The following TCTN3 variants were observed in gnomAD, a reference collection of about 807,000 sequenced individuals.
TCTN3 encodes tectonic family member 3.
Under a neutral mutation model 71.3 loss-of-function variants are expected in TCTN3, and 57 were observed. The observed-to-expected ratio is 0.80, with a 90% CI of 0.65 to 1.00. The LOEUF is 1.00. TCTN3 is among the 50% of genes least tolerant of loss of function. TCTN3 has a pLI of 0.00. For synonymous variants in TCTN3, 258 were observed against 267.8 expected, an observed-to-expected ratio of 0.96 and a Z score of 0.36; for missense variants, 696 against 719.9, an observed-to-expected ratio of 0.97 and a Z score of 0.38.
chr10:95,672,176 G>GTGTGTGTGTGTGTGT (rs1555268634), intron 13 of TCTN3, among the ~76,000 whole-genome samples: 1 of 151,860 alleles, frequency 6.6e-6, no homozygotes, highest in Admixed American at 6.6e-5. Flanking sequence ...GTGTGTGTCT[G>GTGTGTGTGTGTGTGT]GCTTCTTTCA....
chr10:95,680,728 T>C (rs2097942193), intron 12 of TCTN3, 119 bp from the exon 13 acceptor site: 2 of 1,219,328 alleles, frequency 1.6e-6, no homozygotes, highest in Non-Finnish European at 2.2e-6. Context: ...CAATGTAGCT[T>C]AGTGGAAGAA....
chr10:95,677,896 G>A (rs1329941244), intron 13 of TCTN3, among the ~76,000 whole-genome samples: 2 of 152,190 alleles, frequency 1.3e-5, no homozygotes, highest in East Asian at 3.8e-4. Context: ...AAATCTGAAT[G>A]TCTGGGAAAT....
chr10:95,687,527 T>G (rs571821609), intron 4 of TCTN3, 65 bp downstream of exon 4: 1 of 1,598,906 alleles, frequency 6.3e-7, no homozygotes, highest in African/African-American at 1.3e-5. Flanking sequence ...AAAGTTACCT[T>G]GTCAGCTGTC....
intron 3 of TCTN3, 108 bp downstream of exon 3, chr10:95,692,812 T>G: frequency 1.3e-6 from 1 of 770,806 alleles, no homozygotes; most frequent in Non-Finnish European, 2.2e-6. Context: ...ATCGTTAGTG[T>G]ATTTTACGTG....
At chr10:95,677,712 G>C (rs1366343451) in intron 13 of TCTN3, among the ~76,000 whole-genome samples, 1 of 152,088 alleles carries the variant, frequency 6.6e-6, no homozygotes, top group African/African-American at 2.4e-5. Context: ...AGCCTAAGCA[G>C]ATAACCTGAA....
intron 13 of TCTN3, among the ~76,000 whole-genome samples, chr10:95,669,452 G>A (rs1047690340): frequency 6.6e-5 from 10 of 152,160 alleles, no homozygotes; most frequent in African/African-American, 2.4e-4. Context: ...AGTCTTACCT[G>A]TGGCATCTCT....
intron 13 of TCTN3, among the ~76,000 whole-genome samples, chr10:95,679,652 C>T (rs1326069714): frequency 7.7e-6 from 1 of 129,406 alleles, no homozygotes; most frequent in African/African-American, 2.9e-5. Context: ...AGTGCAGTGG[C>T]GGGATCTCGG....
chr10:95,692,915 C>T lies in TCTN3; in HGVS notation c.499+5G>A. On this transcript the variant is annotated splice_donor_5th_base_variant and intron_variant, in intron 3 of 13. Transcript: ENST00000371217. ...AATGAGAACAACCAACATGTTTCTA[C>T]TCACAGTTGTTCACATGGACACAAA... is the stretch of plus-strand genomic sequence containing the variant. 4 of 1,593,886 alleles carry T rather than the reference C, an allele frequency of 2.5e-6. No individual in the cohort carries two copies. The highest frequency in any genetic ancestry group is 3.3e-5 in the Admixed American group (2 of 59,996).
At chr10:95,686,930 G>T in intron 6 of TCTN3, 114 bp downstream of exon 6, 2 of 859,294 alleles carry the variant, frequency 2.3e-6, no homozygotes, top group East Asian at 2.6e-5. Flanking sequence ...CTTTTACGTG[G>T]CTCCTGGGGA....
At chr10:95,675,283 G>A (rs530540658) in intron 13 of TCTN3, among the ~76,000 whole-genome samples, 3 of 152,180 alleles carry the variant, frequency 2.0e-5, no homozygotes, top group Non-Finnish European at 4.4e-5. Flanking sequence ...AATAGAGACA[G>A]GGTTTTGCCG....
chr10:95,683,750 C>CAATCTG, intron 9 of TCTN3, 121 bp from the exon 10 acceptor site: 2 of 739,276 alleles, frequency 2.7e-6, no homozygotes, highest in East Asian at 5.4e-5. Flanking sequence ...CTACACTGAA[C>CAATCTG]AATCTGGCTT....
intron 13 of TCTN3, among the ~76,000 whole-genome samples, chr10:95,674,431 A>C (rs929617376): frequency 3.3e-5 from 5 of 152,120 alleles, no homozygotes; most frequent in Non-Finnish European, 7.4e-5. Flanking sequence ...CCATATTTCT[A>C]CCGCTAAGAA....
intron 7 of TCTN3, 75 bp from the exon 8 acceptor site, chr10:95,685,711 CTAAGA>C (rs1409260267): frequency 3.5e-5 from 41 of 1,183,718 alleles, no homozygotes; most frequent in Admixed American, 8.3e-5. Context: ...AGATATCATG[CTAAGA>C]TGAGTATTTT....
intron 9 of TCTN3, among the ~76,000 whole-genome samples, chr10:95,684,253 A>T (rs1349538262): frequency 6.6e-6 from 1 of 152,222 alleles, no homozygotes; most frequent in Non-Finnish European, 1.5e-5. Flanking sequence ...TTTTGATTTT[A>T]GATTGAAGTC....
intron 13 of TCTN3, among the ~76,000 whole-genome samples, chr10:95,664,516 C>A (rs952169717): frequency 6.6e-6 from 1 of 152,206 alleles, no homozygotes; most frequent in Admixed American, 6.5e-5. Context: ...TGAACAGTTA[C>A]ACCTACCTAA....
intron 7 of TCTN3, among the ~76,000 whole-genome samples, chr10:95,686,039 C>T (rs1488078352): frequency 1.3e-5 from 2 of 152,178 alleles, no homozygotes; most frequent in Non-Finnish European, 2.9e-5. Flanking sequence ...CCAGCCTGGA[C>T]AACATAGCAA....
chr10:95,683,671 T>C (rs765512851), intron 9 of TCTN3, 42 bp from the exon 10 acceptor site: 1 of 1,557,634 alleles, frequency 6.4e-7, no homozygotes, highest in South Asian at 1.2e-5. Flanking sequence ...GAGATAAGCA[T>C]ACTTTCCCAC....
chr10:95,675,417 A>G (rs1427190960), intron 13 of TCTN3, among the ~76,000 whole-genome samples: 1 of 152,208 alleles, frequency 6.6e-6, no homozygotes, highest in Non-Finnish European at 1.5e-5. Flanking sequence ...CATAGGAAAC[A>G]TTAAGCAAAC....
rs765264650 is a variant in TCTN3 at position 95,692,925 on chromosome 10, T to G, written c.494A>C (p.Asn165Thr). The G allele has an allele frequency of 6.2e-7, 1 of 1,609,180 alleles. No homozygotes were observed. ...NGIRQFCVHV[N>T]NSNLNYFQKL... ...ACCAACATGTTTCTACTCACAGTTG[T>G]TCACATGGACACAAAACTGCCTGAT... Residue 165 changes from asparagine to threonine, a missense_variant, in exon 3 of 14, where the codon AAC becomes ACC. By Grantham distance (65) the Asn-to-Thr change is moderately conservative. Transcript: ENST00000371217.
Sources: allele counts gnomAD v4.1 joint callset (sites outside exome capture counted in the v4.1 genomes callset), GRCh38; gene constraint gnomAD v4.1.1; transcripts MANE v1.5; gene names NCBI Gene and HGNC (gene_info 2026-07-23, HGNC 2026-07-21).